The following MB21D2 variants were observed in gnomAD, a reference collection of about 807,000 sequenced individuals.
MB21D2 encodes the protein Mab-21 domain containing 2, also known as nucleotidyltransferase MB21D2.
MB21D2 carries 9 observed loss-of-function variants against 33.3 expected under a neutral mutation model. The ratio of observed to expected loss-of-function variants is 0.27; its 90% CI spans 0.16 to 0.47. MB21D2 has a LOEUF of 0.47. MB21D2 is among the 20% of genes least tolerant of loss of function. The pLI is 0.99. For missense variants in MB21D2, 540 were observed against 624.6 expected, an observed-to-expected ratio of 0.86 and a Z score of 1.44; for synonymous variants, 241 against 236.3, an observed-to-expected ratio of 1.02 and a Z score of -0.18.
chr3:192,843,666 C>T (rs541844990), intron 1 of MB21D2, among the ~76,000 whole-genome samples: 9 of 152,242 alleles, frequency 5.9e-5, no homozygotes, highest in Admixed American at 2.0e-4. Flanking sequence ...AGTCCCTCTC[C>T]GCCCTAAAAA....
Position 192,828,591 on chromosome 3 carries a change from CATATATATATATATATATATAT to C in MB21D2, c.212-28963_212-28942del, listed in dbSNP as rs58394740. ...TATATACAATAAAACTCACCCCCCC[CATATATATATATATATATATAT>C]ATATATATATATATATATATATATA... is the stretch of plus-strand genomic sequence containing the variant. On this transcript the variant is annotated intron_variant, in intron 1 of 1. Coordinates refer to ENST00000392452, the MANE Select transcript of MB21D2 (RefSeq NM_178496.4). Among the ~76,000 whole-genome samples, 42 of 54,122 alleles carry C rather than the reference CATATATATATATATATATATAT, an allele frequency of 7.8e-4. 1 individual carries two copies. The highest frequency in any genetic ancestry group is 1.2e-3 in the Non-Finnish European group (31 of 25,820). 35.5% of individuals were successfully genotyped at this position (54,122 alleles called of 152,430 possible).
At chr3:192,900,988 A>G (rs906106372) in intron 1 of MB21D2, among the ~76,000 whole-genome samples, 9 of 151,872 alleles carry the variant, frequency 5.9e-5, no homozygotes, top group Non-Finnish European at 5.9e-5. Flanking sequence ...GCCTCTGTTG[A>G]AGAAACTGAT....
At chr3:192,892,631 C>CG (rs1309630151) in intron 1 of MB21D2, among the ~76,000 whole-genome samples, 4 of 151,926 alleles carry the variant, frequency 2.6e-5, no homozygotes, top group East Asian at 3.9e-4. Flanking sequence ...TTAGTAGAGA[C>CG]GGGGTTTCAC....
At chr3:192,850,382 C>CCTCT (rs999367332) in intron 1 of MB21D2, among the ~76,000 whole-genome samples, 5 of 152,144 alleles carry the variant, frequency 3.3e-5, no homozygotes, top group African/African-American at 1.2e-4. Context: ...AGACTGTATA[C>CCTCT]CTCTCAAGGC....
At chr3:192,836,365 T>C (rs1712439157) in intron 1 of MB21D2, among the ~76,000 whole-genome samples, 1 of 152,222 alleles carries the variant, frequency 6.6e-6, no homozygotes, top group Non-Finnish European at 1.5e-5. Flanking sequence ...GTGCTTGTTA[T>C]GGGCTAAGTT....
intron 1 of MB21D2, among the ~76,000 whole-genome samples, chr3:192,867,050 G>T (rs1459553939): frequency 6.6e-6 from 1 of 152,158 alleles, no homozygotes. Flanking sequence ...CAGGTTGGAG[G>T]GAGACAATAA....
chr3:192,828,679 C>A (rs1217476413), intron 1 of MB21D2, among the ~76,000 whole-genome samples: 1 of 124,320 alleles, frequency 8.0e-6, no homozygotes, highest in African/African-American at 3.0e-5. Flanking sequence ...GACGGAGTCT[C>A]GCTCTGTCGC....
At chr3:192,873,147 G>A (rs1713348701) in intron 1 of MB21D2, among the ~76,000 whole-genome samples, 2 of 151,994 alleles carry the variant, frequency 1.3e-5, no homozygotes, top group African/African-American at 4.8e-5. Context: ...ACCTACCCCT[G>A]GCTCTATCTG....
At chr3:192,877,540 C>T (rs1490174167) in intron 1 of MB21D2, among the ~76,000 whole-genome samples, 1 of 152,202 alleles carries the variant, frequency 6.6e-6, no homozygotes, top group Non-Finnish European at 1.5e-5. Context: ...CCACAATGGC[C>T]TCCTTGGCCA....
At chr3:192,907,597 G>A (rs1714240752) in intron 1 of MB21D2, among the ~76,000 whole-genome samples, 1 of 151,950 alleles carries the variant, frequency 6.6e-6, no homozygotes, top group Non-Finnish European at 1.5e-5. Context: ...CTAGAAATGG[G>A]GATTAATACT....
In MB21D2 at chr3:192,799,197, A is replaced by T. The variant is rs968377126; in HGVS notation, c.665T>A (p.Ile222Asn). The T allele has an allele frequency of 1.9e-6, 3 of 1,614,230 alleles. No homozygotes were observed. The highest frequency in any genetic ancestry group is 2.5e-6 in the Non-Finnish European group (3 of 1,180,044). ...KVEKNGTIISIILGVGSSRML... is the reference protein window; with the variant it reads ...KVEKNGTIISNILGVGSSRML... ...GCGACTACTCCCTACACCCAGAATG[A>T]TGGAGATGATGGTCCCATTTTTTTC... The change falls in exon 2 of 2, where the codon ATC becomes AAC. Residue 222 changes from isoleucine (I) to asparagine (N), a missense_variant. Coordinates refer to ENST00000392452, the MANE Select transcript of MB21D2 (RefSeq NM_178496.4). The surrounding 1 kb of genome is among the most constrained non-coding windows in gnomAD (Gnocchi z 4.1).
chr3:192,885,829 T>C (rs954378756), intron 1 of MB21D2, among the ~76,000 whole-genome samples: 1 of 152,170 alleles, frequency 6.6e-6, no homozygotes, highest in African/African-American at 2.4e-5. Context: ...ATTAACTCTT[T>C]GGAACTTCAC....
chr3:192,861,696 C>T (rs1206682360), intron 1 of MB21D2, among the ~76,000 whole-genome samples: 2 of 152,096 alleles, frequency 1.3e-5, no homozygotes, highest in Non-Finnish European at 2.9e-5. Context: ...CCCAGCTACT[C>T]GGGAGGCTAA....
At chr3:192,897,142 A>T (rs1481796509) in intron 1 of MB21D2, among the ~76,000 whole-genome samples, 4 of 152,202 alleles carry the variant, frequency 2.6e-5, no homozygotes, top group Non-Finnish European at 4.4e-5. Flanking sequence ...CGTGGGATCC[A>T]TGAGGTATTT....
chr3:192,906,813 G>A (rs1714224786), intron 1 of MB21D2, among the ~76,000 whole-genome samples: 1 of 152,186 alleles, frequency 6.6e-6, no homozygotes, highest in African/African-American at 2.4e-5. Context: ...ACTAGCACAT[G>A]GCAGGCATGC....
intron 1 of MB21D2, among the ~76,000 whole-genome samples, chr3:192,911,109 C>T (rs938727172): frequency 1.4e-4 from 21 of 152,270 alleles, no homozygotes; most frequent in African/African-American, 5.1e-4. Context: ...GTCCTGAGTG[C>T]AGAATATTGT....
At chr3:192,854,172 GA>G (rs1560239987) in intron 1 of MB21D2, among the ~76,000 whole-genome samples, 1 of 152,238 alleles carries the variant, frequency 6.6e-6, no homozygotes, top group Non-Finnish European at 1.5e-5. Flanking sequence ...GAGATGGGCT[GA>G]AAGGCAGGCC....
chr3:192,809,830 C>T (rs1223621038), intron 1 of MB21D2, among the ~76,000 whole-genome samples: 1 of 152,338 alleles, frequency 6.6e-6, no homozygotes, highest in African/African-American at 2.4e-5. Context: ...CTGTGTTGCA[C>T]ACTTAGCTCT....
At chr3:192,851,896 A>G (rs879936032) in intron 1 of MB21D2, among the ~76,000 whole-genome samples, 2 of 152,242 alleles carry the variant, frequency 1.3e-5, no homozygotes, top group African/African-American at 2.4e-5. Context: ...AGTATCCAAC[A>G]CAAAGCAAGA....
Sources: allele counts gnomAD v4.1 joint callset (sites outside exome capture counted in the v4.1 genomes callset), GRCh38; gene constraint gnomAD v4.1.1; non-coding constraint Gnocchi (gnomAD v3.1); transcripts MANE v1.5; gene names NCBI Gene and HGNC (gene_info 2026-07-23, HGNC 2026-07-21).